DNAH11: variants seen among roughly 807,000 people sequenced by gnomAD.
The protein encoded by DNAH11 is dynein axonemal heavy chain 11, also known as axonemal beta dynein heavy chain 11.
A neutral mutation model predicts 526.0 loss-of-function variants in DNAH11; 442 were observed. The ratio of observed to expected loss-of-function variants is 0.84; its 90% CI spans 0.78 to 0.91. DNAH11 has a LOEUF of 0.91. DNAH11 is among the 40% of genes least tolerant of loss of function. The pLI, the probability that DNAH11 is intolerant of heterozygous loss-of-function variation, is 0.00. For missense variants in DNAH11, 6,989 were observed against 5,448.7 expected, an observed-to-expected ratio of 1.28 and a Z score of -8.90; for synonymous variants, 2,461 against 1,935.9, an observed-to-expected ratio of 1.27 and a Z score of -7.12.
At chr7:21,816,236 G>C (rs544783711) in intron 63 of DNAH11, among the ~76,000 whole-genome samples, 2 of 152,232 alleles carry the variant, frequency 1.3e-5, no homozygotes, top group African/African-American at 4.8e-5. Context: ...AGATGCAGTT[G>C]ATAAAACCGA....
chr7:21,596,188 T>C (rs1784854061), intron 14 of DNAH11, among the ~76,000 whole-genome samples: 1 of 152,240 alleles, frequency 6.6e-6, no homozygotes, highest in Non-Finnish European at 1.5e-5. Flanking sequence ...CTTTGAGTAC[T>C]GCCTGGAATA....
At chr7:21,862,125 T>G in intron 69 of DNAH11, 102 bp downstream of exon 69, 1 of 1,212,256 alleles carries the variant, frequency 8.2e-7, no homozygotes, top group Non-Finnish European at 1.1e-6. Context: ...TAATAGACTT[T>G]TTTTTTTTTT....
Position 21,894,815 on chromosome 7 carries a change from A to C in DNAH11, c.12933+10A>C, listed in dbSNP as rs1784449526. The C allele has an allele frequency of 5.0e-6, 8 of 1,609,230 alleles. No individual in the cohort carries two copies. Among genetic ancestry groups the C allele is most frequent in the African/African-American group, 1.3e-5 (1 of 74,882 alleles). ...GGACCTTAGTTTGAAGGTAAGCTTA[A>C]AGTGAGGCTATAGTAGACTTCAGCA... On this transcript the variant is annotated intron_variant, in intron 78 of 81. Coordinates refer to ENST00000409508, the MANE Select transcript of DNAH11 (RefSeq NM_001277115.2).
intron 28 of DNAH11, among the ~76,000 whole-genome samples, chr7:21,640,214 T>A (rs565215115): frequency 6.6e-6 from 1 of 152,338 alleles, no homozygotes; most frequent in South Asian, 2.1e-4. Flanking sequence ...ACTATGAATC[T>A]ACTATATCCG....
chr7:21,795,090 G>A (rs950076843), intron 61 of DNAH11, among the ~76,000 whole-genome samples: 4 of 152,152 alleles, frequency 2.6e-5, no homozygotes, highest in Non-Finnish European at 4.4e-5. Flanking sequence ...AGTGAAGCCA[G>A]ATTACTTCCA....
At chr7:21,676,137 T>G (rs1298048873) in intron 30 of DNAH11, among the ~76,000 whole-genome samples, 1 of 152,122 alleles carries the variant, frequency 6.6e-6, no homozygotes, top group African/African-American at 2.4e-5. Flanking sequence ...GGAACAAAAG[T>G]TTGGATTTTA....
rs753712934 is a variant in DNAH11 at position 21,683,924 on chromosome 7, G to C, written c.5601G>C (p.Val1867=). ...YEYLGNSPRL[V]ITPLTDRCYI... is the part of the protein sequence containing the mutation. ...ACTTAGGAAACAGCCCTCGACTAGT[G>C]ATCACTCCTCTAACTGACAGGTAAC... The change falls in exon 32 of 82, where the codon GTG becomes GTC. Residue 1867 remains valine, a synonymous_variant. Transcript: ENST00000409508. 2 of 1,613,402 alleles carry C rather than the reference G, an allele frequency of 1.2e-6. No individual in the cohort carries two copies. Among genetic ancestry groups the C allele is most frequent in the East Asian group, 4.5e-5 (2 of 44,868 alleles).
intron 28 of DNAH11, among the ~76,000 whole-genome samples, chr7:21,648,640 A>G (rs905362666): frequency 6.6e-6 from 1 of 152,200 alleles, no homozygotes; most frequent in South Asian, 2.1e-4. Flanking sequence ...AACACACAGA[A>G]TTGTGGCTGA....
intron 52 of DNAH11, among the ~76,000 whole-genome samples, chr7:21,749,203 G>A (rs1296504141): frequency 6.6e-6 from 1 of 152,106 alleles, no homozygotes; most frequent in African/African-American, 2.4e-5. Context: ...TTCAAGCTTT[G>A]CTTTTTAATA....
intron 77 of DNAH11, among the ~76,000 whole-genome samples, chr7:21,894,201 G>A (rs1784426664): frequency 6.6e-6 from 1 of 152,044 alleles, no homozygotes; most frequent in Admixed American, 6.5e-5. Context: ...TGGTTTGTGT[G>A]GCTTTTAAAA....
At chr7:21,800,602 G>A (rs898041695) in intron 61 of DNAH11, among the ~76,000 whole-genome samples, 2 of 152,124 alleles carry the variant, frequency 1.3e-5, no homozygotes, top group Admixed American at 6.6e-5. Context: ...ATCGCATCCA[G>A]CCTGAGCAAC....
chr7:21,822,478 C>T (rs1448129285), intron 65 of DNAH11, among the ~76,000 whole-genome samples: 1 of 152,182 alleles, frequency 6.6e-6, no homozygotes, highest in Non-Finnish European at 1.5e-5. Flanking sequence ...GGTCACATTT[C>T]AACATGAGAT....
intron 6 of DNAH11, among the ~76,000 whole-genome samples, chr7:21,565,847 G>C (rs1431085085): frequency 2.6e-5 from 4 of 152,210 alleles, no homozygotes; most frequent in African/African-American, 9.6e-5. Context: ...TTACAGGCTA[G>C]TTGCAGCTGG....
chr7:21,742,372 C>T (rs541638752), intron 49 of DNAH11, among the ~76,000 whole-genome samples: 3 of 152,210 alleles, frequency 2.0e-5, no homozygotes, highest in South Asian at 2.1e-4. Context: ...AGCTGACAAT[C>T]GTGGTAGAAG....
intron 63 of DNAH11, among the ~76,000 whole-genome samples, chr7:21,813,501 G>A (rs569109048): frequency 1.3e-5 from 2 of 152,272 alleles, no homozygotes; most frequent in African/African-American, 2.4e-5. Context: ...GAGTTGTTAC[G>A]TTACTGTAAC....
At chr7:21,848,403 T>G (rs370069110) in intron 66 of DNAH11, among the ~76,000 whole-genome samples, 6 of 152,082 alleles carry the variant, frequency 3.9e-5, no homozygotes, top group Admixed American at 6.5e-5. Flanking sequence ...AGATAGGTCT[T>G]GTTTTTTATC....
At chr7:21,816,844 T>C in intron 64 of DNAH11, 142 bp downstream of exon 64, 1 of 693,002 alleles carries the variant, frequency 1.4e-6, no homozygotes. Flanking sequence ...TGCCTGTTCA[T>C]GTTTCATATA....
intron 35 of DNAH11, among the ~76,000 whole-genome samples, chr7:21,697,614 A>T (rs570178069): frequency 2.0e-5 from 3 of 152,144 alleles, no homozygotes; most frequent in Non-Finnish European, 4.4e-5. Flanking sequence ...TCTCAGCTCC[A>T]CATTTAGTGA....
chr7:21,546,333 G>C (rs11982520), intron 2 of DNAH11, among the ~76,000 whole-genome samples: 29,491 of 152,090 alleles, frequency 0.19, 4,467 homozygotes, highest in East Asian at 0.61. Context: ...GCTGATTTCA[G>C]GGAGGTGCTA....
Sources: allele counts gnomAD v4.1 joint callset (sites outside exome capture counted in the v4.1 genomes callset), GRCh38; gene constraint gnomAD v4.1.1; transcripts MANE v1.5; gene names NCBI Gene and HGNC (gene_info 2026-07-23, HGNC 2026-07-21).